The following MAN1C1 variants were observed in gnomAD, a reference collection of about 807,000 sequenced individuals.
MAN1C1 encodes the protein mannosyl-oligosaccharide 1,2-alpha-mannosidase IC.
In MAN1C1, 49 loss-of-function variants were observed where a neutral mutation model predicts 71.5. The observed-to-expected ratio is 0.69, with a 90% CI of 0.54 to 0.87. MAN1C1 has a LOEUF of 0.87. Among genes scored for constraint, MAN1C1 ranks in the 40% least tolerant of loss-of-function variants. The pLI is 0.00. For synonymous variants in MAN1C1, 352 were observed against 343.7 expected (o/e 1.02, Z -0.27); for missense variants, 743 against 835.0 (o/e 0.89, Z 1.36).
At chr1:25,694,149 T>C (rs1572154864) in intron 2 of MAN1C1, among the ~76,000 whole-genome samples, 1 of 152,150 alleles carries the variant, frequency 6.6e-6, no homozygotes, top group Non-Finnish European at 1.5e-5. Context: ...TTTGGCTGGG[T>C]AAGGGCTGGG....
intron 2 of MAN1C1, among the ~76,000 whole-genome samples, chr1:25,703,885 G>C (rs2046480499): frequency 2.6e-5 from 4 of 152,188 alleles, no homozygotes; most frequent in Admixed American, 2.6e-4. Context: ...CCACCCAGAA[G>C]CTTTTGGATG....
chr1:25,750,481 G>A (rs2047199641), intron 4 of MAN1C1, among the ~76,000 whole-genome samples: 1 of 152,078 alleles, frequency 6.6e-6, no homozygotes, highest in East Asian at 1.9e-4. Flanking sequence ...GAGCCATGGA[G>A]GTGAGGCGGG....
At chr1:25,675,574 A>G (rs577282493) in intron 1 of MAN1C1, among the ~76,000 whole-genome samples, 1 of 96,384 alleles carries the variant, frequency 1.0e-5, no homozygotes, top group Admixed American at 1.5e-4. Context: ...TCATATAATG[A>G]CTTATTTTGC....
At position 25,677,846 on chromosome 1, in the gene MAN1C1, C is replaced by CTTT. The variant is rs772618301; in HGVS notation, c.541-8569_541-8567dup. ...TCTGACTCCCTGCTGTAAAGACCTCCTTTTTTTTTTTTTTTTTTTTTTTTT... is the reference window on the plus strand; with the variant it reads ...TCTGACTCCCTGCTGTAAAGACCTCCTTTTTTTTTTTTTTTTTTTTTTTTTTTT... On this transcript the variant is annotated intron_variant, in intron 1 of 11. Coordinates refer to ENST00000374332, the MANE Select transcript of MAN1C1 (RefSeq NM_020379.4). Among the ~76,000 whole-genome samples, 161 of 98,308 alleles carry CTTT rather than the reference C, an allele frequency of 1.6e-3. 8 individuals carry two copies. Among genetic ancestry groups the CTTT allele is most frequent in the Non-Finnish European group, 2.1e-3 (117 of 54,512 alleles). 64.5% of individuals were successfully genotyped at this position (98,308 alleles called of 152,430 possible).
chr1:25,627,069 G>A (rs2045305725), intron 1 of MAN1C1, among the ~76,000 whole-genome samples: 1 of 152,024 alleles, frequency 6.6e-6, no homozygotes, highest in African/African-American at 2.4e-5. Flanking sequence ...TGTAAGGTAG[G>A]AGTTAAAGTT....
intron 1 of MAN1C1, among the ~76,000 whole-genome samples, chr1:25,624,897 ATGTT>A (rs139756983): frequency 0.018 from 2,780 of 151,818 alleles, 48 homozygotes; most frequent in African/African-American, 0.033. Flanking sequence ...TTGCTTCCCA[ATGTT>A]TGTTCTTTGT....
At chr1:25,768,001 T>A (rs1361456252) in intron 7 of MAN1C1, among the ~76,000 whole-genome samples, 1 of 25,334 alleles carries the variant, frequency 3.9e-5, no homozygotes, top group Non-Finnish European at 7.2e-5. Flanking sequence ...TTACATACAC[T>A]CCCCCACACA....
At chr1:25,702,193 G>A (rs1051143122) in intron 2 of MAN1C1, among the ~76,000 whole-genome samples, 1 of 152,182 alleles carries the variant, frequency 6.6e-6, no homozygotes, top group African/African-American at 2.4e-5. Flanking sequence ...TGTCCCCGTG[G>A]GGCTGCTTAG....
intron 8 of MAN1C1, 147 bp from the exon 9 acceptor site, chr1:25,777,958 A>G (rs2047640344): frequency 4.8e-6 from 3 of 622,100 alleles, no homozygotes; most frequent in East Asian, 2.9e-5. Context: ...ACCAGCAGAG[A>G]TCAATGGGCC....
At chr1:25,748,115 A>G (rs1340276980) in intron 3 of MAN1C1, among the ~76,000 whole-genome samples, 1 of 152,270 alleles carries the variant, frequency 6.6e-6, no homozygotes, top group Admixed American at 6.5e-5. Context: ...TCTTTGGGAT[A>G]CAGAACGGGC....
At chr1:25,715,893 G>A (rs772424560) in intron 2 of MAN1C1, among the ~76,000 whole-genome samples, 2 of 152,176 alleles carry the variant, frequency 1.3e-5, no homozygotes, top group Non-Finnish European at 2.9e-5. Flanking sequence ...ACAGGTCCAG[G>A]TAGTTAGTCT....
At chr1:25,661,854 C>A (rs534490372) in intron 1 of MAN1C1, among the ~76,000 whole-genome samples, 1 of 152,228 alleles carries the variant, frequency 6.6e-6, no homozygotes, top group Non-Finnish European at 1.5e-5. Context: ...ATTCCCTCAT[C>A]TATTTGTTTT....
chr1:25,689,907 G>A (rs1037422033), intron 2 of MAN1C1, among the ~76,000 whole-genome samples: 3 of 152,178 alleles, frequency 2.0e-5, no homozygotes, highest in Non-Finnish European at 2.9e-5. Flanking sequence ...CTGCAGGGCT[G>A]GCAGGGCTGT....
In MAN1C1 at chr1:25,617,465, G is replaced by A. The variant is rs1365774597; in HGVS notation, c.-333G>A. 4.1e-5 allele frequency: 6 copies of A among 147,386 alleles called. No individual in the cohort carries two copies. In the East Asian group the frequency reaches 1.2e-3, roughly 29 times the overall value. 9.1% of individuals were successfully genotyped at this position (147,386 alleles called of 1,614,324 possible). ...GTGACGGTCCCGGCGGCCGCAGCGCGGGAAGGCGCGGGCCCCGGCGCGGCG... is the reference window on the plus strand; with the variant it reads ...GTGACGGTCCCGGCGGCCGCAGCGCAGGAAGGCGCGGGCCCCGGCGCGGCG... On this transcript the variant is annotated 5_prime_UTR_variant, in exon 1 of 12. Coordinates refer to ENST00000374332, the MANE Select transcript of MAN1C1 (RefSeq NM_020379.4). This position sits in a 1 kb window ranked among gnomAD's most constrained non-coding sequence, Gnocchi z 5.1.
chr1:25,638,677 C>CT (rs2045497388), intron 1 of MAN1C1, among the ~76,000 whole-genome samples: 2 of 152,026 alleles, frequency 1.3e-5, no homozygotes, highest in African/African-American at 4.8e-5. Flanking sequence ...TAGGTTGACT[C>CT]TTTCTTTACG....
At chr1:25,685,105 C>T (rs146073397) in intron 1 of MAN1C1, among the ~76,000 whole-genome samples, 2 of 152,332 alleles carry the variant, frequency 1.3e-5, no homozygotes, top group African/African-American at 2.4e-5. Flanking sequence ...AGGAGGAAAT[C>T]GAGCTAGTGC....
chr1:25,771,272 TA>T (rs2047547313), intron 7 of MAN1C1, among the ~76,000 whole-genome samples: 1 of 152,254 alleles, frequency 6.6e-6, no homozygotes, highest in Admixed American at 6.5e-5. Context: ...CAGCATTAAT[TA>T]TCATGTTTGT....
At chr1:25,745,543 G>GTA (rs1210405195) in intron 2 of MAN1C1, among the ~76,000 whole-genome samples, 2 of 152,096 alleles carry the variant, frequency 1.3e-5, no homozygotes, top group African/African-American at 4.8e-5. Context: ...AAGAAAGAAA[G>GTA]AAAGAAAAAG....
At chr1:25,632,031 G>A (rs186216706) in intron 1 of MAN1C1, among the ~76,000 whole-genome samples, 114 of 152,262 alleles carry the variant, frequency 7.5e-4, no homozygotes, top group African/African-American at 2.7e-3. Flanking sequence ...GCCCACTTTG[G>A]CCTCCCAAAG....
Sources: gnomAD v4.1 joint callset for allele counts (sites outside exome capture counted in the v4.1 genomes callset) on GRCh38, gnomAD v4.1.1 for gene constraint, Gnocchi (gnomAD v3.1) non-coding constraint, MANE v1.5 for transcripts, NCBI Gene and HGNC (gene_info 2026-07-23, HGNC 2026-07-21) for gene names.